AGFG1: variants seen among roughly 807,000 people sequenced by gnomAD.
AGFG1 encodes the protein ArfGAP with FG repeats 1.
A neutral mutation model predicts 60.6 loss-of-function variants in AGFG1; 10 were observed. That is an observed-to-expected ratio of 0.16 (90% CI 0.10 to 0.28). The LOEUF (loss-of-function observed/expected upper bound fraction) is 0.28. Ranked by LOEUF, AGFG1 falls within the 10% of genes least tolerant of loss-of-function variation. The pLI, the probability that AGFG1 is intolerant of heterozygous loss-of-function variation, is 1.00. For missense variants in AGFG1, 537 were observed against 676.5 expected (o/e 0.79, Z 2.29); for synonymous variants, 247 against 242.9 (o/e 1.02, Z -0.16).
At chr2:227,476,375 ATTAT>A (rs1257825040) in intron 1 of AGFG1, among the ~76,000 whole-genome samples, 1 of 152,204 alleles carries the variant, frequency 6.6e-6, no homozygotes, top group African/African-American at 2.4e-5. Context: ...TTTAGACTAA[ATTAT>A]TTGTTTTATG....
intron 2 of AGFG1, among the ~76,000 whole-genome samples, chr2:227,513,221 T>C (rs1175464648): frequency 6.6e-6 from 1 of 152,202 alleles, no homozygotes; most frequent in Non-Finnish European, 1.5e-5. Context: ...GTTTGTTAAA[T>C]TGCTAGCCCT....
chr2:227,486,762 GTAA>G (rs1690652561), intron 1 of AGFG1, among the ~76,000 whole-genome samples: 1 of 152,240 alleles, frequency 6.6e-6, no homozygotes, highest in Non-Finnish European at 1.5e-5. Flanking sequence ...CTTTTGCTTG[GTAA>G]TTTACATATT....
At chr2:227,538,348 T>C (rs1286694675) in intron 10 of AGFG1, among the ~76,000 whole-genome samples, 1 of 152,228 alleles carries the variant, frequency 6.6e-6, no homozygotes, top group Admixed American at 6.5e-5. Context: ...TTATAGTTAC[T>C]TGCAGGTTGA....
intron 2 of AGFG1, among the ~76,000 whole-genome samples, chr2:227,515,957 G>A (rs1430863114): frequency 4.6e-5 from 7 of 152,126 alleles, no homozygotes; most frequent in Admixed American, 4.6e-4. Context: ...TGTTTTCCCA[G>A]GTGTGTCACT....
At chr2:227,520,424 A>T (rs1480519574) in intron 3 of AGFG1, among the ~76,000 whole-genome samples, 1 of 152,114 alleles carries the variant, frequency 6.6e-6, no homozygotes, top group East Asian at 1.9e-4. Context: ...ATCTTTTTTT[A>T]ATTTATTGAG....
chr2:227,498,969 CT>C (rs1273385729), intron 2 of AGFG1, among the ~76,000 whole-genome samples: 5 of 151,948 alleles, frequency 3.3e-5, no homozygotes, highest in Admixed American at 3.3e-4. Flanking sequence ...GCTTTTGTTT[CT>C]TTTTTAAAGA....
intron 2 of AGFG1, among the ~76,000 whole-genome samples, chr2:227,518,489 C>T (rs1691722184): frequency 6.8e-6 from 1 of 147,694 alleles, no homozygotes; most frequent in South Asian, 2.2e-4. Context: ...GTAGTATATG[C>T]ATGTCTGTCT....
At chr2:227,525,872 A>G (rs1691974949) in intron 5 of AGFG1, among the ~76,000 whole-genome samples, 1 of 152,190 alleles carries the variant, frequency 6.6e-6, no homozygotes, top group African/African-American at 2.4e-5. Context: ...GGTGCTCAGT[A>G]CCCGAGTCCA....
At chr2:227,505,836 T>G (rs542170267) in intron 2 of AGFG1, among the ~76,000 whole-genome samples, 9 of 152,288 alleles carry the variant, frequency 5.9e-5, no homozygotes, top group African/African-American at 1.9e-4. Context: ...CCTCCCAGGT[T>G]CAAGTGATTC....
At chr2:227,553,282 G>C (rs915808862) in intron 11 of AGFG1, among the ~76,000 whole-genome samples, 6 of 152,080 alleles carry the variant, frequency 3.9e-5, no homozygotes, top group Admixed American at 2.0e-4. Flanking sequence ...TGGATCAGTC[G>C]AGTCCAGGAG....
intron 6 of AGFG1, chr2:227,532,133 T>G (rs1028968203): frequency 1.3e-6 from 2 of 1,541,012 alleles, no homozygotes; most frequent in Admixed American, 4.0e-5. Context: ...TTTCTGGCTG[T>G]CCAGCATTTA....
In AGFG1 at chr2:227,526,295, G is replaced by A. The variant is rs146136253; in HGVS notation, c.694+1380G>A. ...TGCGACCTCCGCCACCTGGGTTTAA[G>A]CTATTCTCTCACCTCAGCCTCCCAG... is the stretch of plus-strand genomic sequence containing the variant. On this transcript the variant is annotated intron_variant, in intron 5 of 12. Coordinates refer to ENST00000310078, the MANE Select transcript of AGFG1 (RefSeq NM_004504.5). 2.0e-3 allele frequency among the ~76,000 whole-genome samples: 300 copies of A among 152,174 alleles called. 3 individuals are homozygous for A. Among genetic ancestry groups the A allele is most frequent in the Middle Eastern group, 0.01 (3 of 294 alleles).
At chr2:227,490,660 A>C (rs950000591) in intron 1 of AGFG1, among the ~76,000 whole-genome samples, 1 of 152,010 alleles carries the variant, frequency 6.6e-6, no homozygotes, top group Non-Finnish European at 1.5e-5. Context: ...CATGACCCCA[A>C]AGTAGTTCTG....
At chr2:227,540,649 T>G (rs1692463740) in intron 10 of AGFG1, among the ~76,000 whole-genome samples, 1 of 152,234 alleles carries the variant, frequency 6.6e-6, no homozygotes, top group Admixed American at 6.5e-5. Context: ...AGTGCCGCAG[T>G]AAACGTACGT....
At position 227,536,890 on chromosome 2, in the gene AGFG1, AT is replaced by A. The variant is rs770638876; in HGVS notation, c.1286-5del. On this transcript the variant is annotated splice_polypyrimidine_tract_variant and intron_variant, in intron 9 of 12. Coordinates refer to ENST00000310078, the MANE Select transcript of AGFG1 (RefSeq NM_004504.5). ...TTAGGATTTTATAGTGTATTTTATA[AT>A]TTTTTAAAGCTACGCCTTCCACAAA... The A allele has an allele frequency of 6.2e-7, 1 of 1,608,606 alleles. No homozygotes were observed. The highest frequency in any genetic ancestry group is 2.2e-5 in the East Asian group (1 of 44,814).
intron 11 of AGFG1, among the ~76,000 whole-genome samples, chr2:227,553,062 T>C (rs1440498434): frequency 2.1e-5 from 3 of 141,466 alleles, no homozygotes; most frequent in Non-Finnish European, 4.6e-5. Flanking sequence ...ATAATAAAAA[T>C]ATTTCCTACA....
chr2:227,511,232 G>C (rs1299534719), intron 2 of AGFG1, among the ~76,000 whole-genome samples: 5 of 152,240 alleles, frequency 3.3e-5, no homozygotes, highest in Admixed American at 2.6e-4. Context: ...TTTATGTATT[G>C]TTTAGATATG....
chr2:227,497,730 G>GTTTTTTTTT lies in AGFG1; in HGVS notation c.261+6094_261+6095insTTTTTTTTT, dbSNP rs148621752. On this transcript the variant is annotated intron_variant, in intron 2 of 12. Coordinates refer to ENST00000310078, the MANE Select transcript of AGFG1 (RefSeq NM_004504.5). Reference sequence around the variant, plus strand: ...ATATAGCCAAATGAGTTTCTTTCTTGTTTTGTTTTTTTTTTTTTTTTTTTT... The same window carrying GTTTTTTTTT: ...ATATAGCCAAATGAGTTTCTTTCTTGTTTTTTTTTTTTTGTTTTTTTTTTTTTTTTTTTT... Among the ~76,000 whole-genome samples the GTTTTTTTTT allele has an allele frequency of 7.0e-3, 274 of 38,916 alleles. 46 individuals are homozygous for GTTTTTTTTT. Among genetic ancestry groups the GTTTTTTTTT allele is most frequent in the African/African-American group, 0.019 (247 of 13,226 alleles). The allele number at this position is 38,916 out of a possible 152,430, so 25.5% of individuals were successfully genotyped here.
intron 2 of AGFG1, among the ~76,000 whole-genome samples, chr2:227,497,730 GTTTTGTTTT>G (rs1168148212): frequency 8.2e-4 from 32 of 38,924 alleles, no homozygotes; most frequent in Admixed American, 1.2e-3. Flanking sequence ...TTTCTTTCTT[GTTTTGTTTT>G]TTTTTTTTTT....
Sources: allele counts gnomAD v4.1 joint callset (sites outside exome capture counted in the v4.1 genomes callset), GRCh38; gene constraint gnomAD v4.1.1; transcripts MANE v1.5; gene names NCBI Gene and HGNC (gene_info 2026-07-23, HGNC 2026-07-21).